Variants in RIC3 observed in about 807,000 individuals in gnomAD.
RIC3 encodes the protein protein RIC-3.
RIC3 carries 28 observed loss-of-function variants against 27.3 expected under a neutral mutation model. The observed-to-expected ratio is 1.02, with a 90% CI of 0.76 to 1.41. The LOEUF (loss-of-function observed/expected upper bound fraction) is 1.41. Ranked by LOEUF, RIC3 falls within the 40% of genes most tolerant of loss-of-function variation. The probability of loss-of-function intolerance (pLI) is 0.00; values close to 1 mark genes in which losing one functional copy is unlikely to be tolerated. For missense variants in RIC3, 501 were observed against 444.7 expected, an observed-to-expected ratio of 1.13 and a Z score of -1.14; for synonymous variants, 184 against 160.4, an observed-to-expected ratio of 1.15 and a Z score of -1.11.
At chr11:8,101,388 G>T (rs1197411840), downstream of RIC3, 7 of 1,467,140 alleles carry the variant, frequency 4.8e-6, no homozygotes, top group Non-Finnish European at 6.6e-6. Flanking sequence ...CTTCTCACTT[G>T]TTCTTCCCTC....
chr11:8,119,819 A>G (rs912452905), intron 5 of RIC3, among the ~76,000 whole-genome samples: 1 of 152,216 alleles, frequency 6.6e-6, no homozygotes, highest in African/African-American at 2.4e-5. Flanking sequence ...TAATATCTAG[A>G]ATCTACAAAA....
At chr11:8,166,307 T>C (rs915456478) in intron 1 of RIC3, among the ~76,000 whole-genome samples, 2 of 152,222 alleles carry the variant, frequency 1.3e-5, no homozygotes, top group Non-Finnish European at 2.9e-5. Context: ...ATAGTGTCTA[T>C]ACACTATGTG....
chr11:8,117,530 G>C (rs1377770322), intron 5 of RIC3, among the ~76,000 whole-genome samples: 1 of 152,208 alleles, frequency 6.6e-6, no homozygotes, highest in African/African-American at 2.4e-5. Flanking sequence ...TAAAATGGTG[G>C]TTATCAGAAG....
intron 5 of RIC3, among the ~76,000 whole-genome samples, chr11:8,118,149 G>A (rs1400875157): frequency 1.3e-5 from 2 of 151,046 alleles, no homozygotes; most frequent in Non-Finnish European, 1.5e-5. Context: ...CGTGAACCTG[G>A]GAAGTGGAGC....
intron 1 of RIC3, among the ~76,000 whole-genome samples, chr11:8,146,800 G>A (rs535933464): frequency 6.5e-4 from 99 of 152,296 alleles, no homozygotes; most frequent in African/African-American, 2.3e-3. Context: ...ACAATTGGTT[G>A]AGTTTATCTA....
At chr11:8,102,046 TA>T (rs960744657), downstream of RIC3, 4 of 186,372 alleles carry the variant, frequency 2.1e-5, no homozygotes, top group African/African-American at 9.3e-5. Flanking sequence ...CTCCAGCAGG[TA>T]GGGGCACAGT....
chr11:8,113,775 A>G lies in RIC3; in HGVS notation c.671-2638T>C, dbSNP rs369572603. Among the ~76,000 whole-genome samples, 87 of 152,184 alleles carry G rather than the reference A, an allele frequency of 5.7e-4. 1 individual carries two copies. The South Asian group carries it at 0.018, about 32-fold the overall frequency. ...GCTGAGGCCTGTGGCCCCAGGACCC[A>G]AGCCAGCCCTAATGAACCTAGCCTT... On this transcript the variant is annotated intron_variant, in intron 5 of 5. Transcript: ENST00000309737.
At chr11:8,116,229 A>T (rs1015139247) in intron 5 of RIC3, among the ~76,000 whole-genome samples, 1 of 152,228 alleles carries the variant, frequency 6.6e-6, no homozygotes, top group African/African-American at 2.4e-5. Flanking sequence ...ATCCACATGC[A>T]AAACAGTGAA....
intron 4 of RIC3, among the ~76,000 whole-genome samples, chr11:8,131,900 CAAAAAA>C (rs796158730): frequency 3.8e-5 from 1 of 26,176 alleles, no homozygotes; most frequent in Non-Finnish European, 7.5e-5. Flanking sequence ...GACTCCATCT[CAAAAAA>C]AAAAAAAAAA....
intron 5 of RIC3, among the ~76,000 whole-genome samples, chr11:8,124,864 A>G (rs1946829721): frequency 6.6e-6 from 1 of 152,232 alleles, no homozygotes; most frequent in Non-Finnish European, 1.5e-5. Flanking sequence ...AACTCAAAAT[A>G]GATCACAGGC....
intron 1 of RIC3, among the ~76,000 whole-genome samples, chr11:8,149,920 G>A (rs1950069252): frequency 6.6e-6 from 1 of 152,140 alleles, no homozygotes; most frequent in Non-Finnish European, 1.5e-5. Context: ...ACCAACCACA[G>A]AATGGTTCTG....
chr11:8,094,344 C>A, the RIC3 span, among the ~76,000 whole-genome samples: 1 of 152,142 alleles, frequency 6.6e-6, no homozygotes, highest in Non-Finnish European at 1.5e-5. Flanking sequence ...AGGTGGCTCA[C>A]AGGCCTCATC....
the RIC3 span, chr11:8,100,699 G>GT: frequency 1.3e-5 from 20 of 1,520,132 alleles, no homozygotes; most frequent in Admixed American, 3.4e-5. Context: ...ATGTGGAGGG[G>GT]TACCATGTGA....
chr11:8,134,426 TG>T (rs1308471035), intron 4 of RIC3, among the ~76,000 whole-genome samples: 1 of 152,210 alleles, frequency 6.6e-6, no homozygotes, highest in African/African-American at 2.4e-5. Context: ...TCCAAGTCTT[TG>T]CTATTGTGAA....
intron 1 of RIC3, among the ~76,000 whole-genome samples, chr11:8,155,469 G>A (rs1414036418): frequency 6.6e-6 from 1 of 151,932 alleles, no homozygotes; most frequent in Non-Finnish European, 1.5e-5. Flanking sequence ...CCAGCTACTC[G>A]GGAAGCTAAG....
At chr11:8,163,038 CACACACACACACAT>C (rs1462094807) in intron 1 of RIC3, among the ~76,000 whole-genome samples, 1 of 146,870 alleles carries the variant, frequency 6.8e-6, no homozygotes, top group African/African-American at 2.5e-5. Flanking sequence ...CACACACACA[CACACACACACACAT>C]ACACACACAC....
chr11:8,157,191 C>T (rs960654682), intron 1 of RIC3, among the ~76,000 whole-genome samples: 11 of 152,198 alleles, frequency 7.2e-5, no homozygotes, highest in African/African-American at 2.7e-4. Context: ...ACAGACAAAA[C>T]ATGAACACTG....
At chr11:8,122,126 G>A (rs1238460252) in intron 5 of RIC3, among the ~76,000 whole-genome samples, 4 of 152,080 alleles carry the variant, frequency 2.6e-5, no homozygotes, top group Non-Finnish European at 4.4e-5. Context: ...GCAACATCTA[G>A]CAAAACTGTA....
At chr11:8,093,992 G>A in the RIC3 span, 3 of 1,610,434 alleles carry the variant, frequency 1.9e-6, no homozygotes, top group Non-Finnish European at 2.5e-6. Flanking sequence ...TGGGAGCTCT[G>A]GTCTCACCCA....
Sources: gnomAD v4.1 joint callset for allele counts (sites outside exome capture counted in the v4.1 genomes callset) on GRCh38, gnomAD v4.1.1 for gene constraint, MANE v1.5 for transcripts, NCBI Gene and HGNC (gene_info 2026-07-23, HGNC 2026-07-21) for gene names.